The following DIS3L2 variants were observed in gnomAD, a reference collection of about 807,000 sequenced individuals.
DIS3L2 encodes DIS3 like 3'-5' exoribonuclease 2, also known as DIS3-like exonuclease 2.
In DIS3L2, 34 loss-of-function variants were observed where a neutral mutation model predicts 97.5. The observed-to-expected ratio is 0.35, with a 90% CI of 0.27 to 0.46. DIS3L2 has a LOEUF of 0.46. Ranked by LOEUF, DIS3L2 falls within the 20% of genes least tolerant of loss-of-function variation. The pLI, the probability that DIS3L2 is intolerant of heterozygous loss-of-function variation, is 1.00. For synonymous variants in DIS3L2, 435 were observed against 445.2 expected (o/e 0.98, Z 0.29); for missense variants, 1,038 against 1,146.0 (o/e 0.91, Z 1.36).
Position 232,280,416 on chromosome 2 carries a change from G to A in DIS3L2, c.1659+16976G>A, listed in dbSNP as rs1165097210. On this transcript the variant is annotated intron_variant, in intron 13 of 20. Transcript: ENST00000325385. The stretch of plus-strand genomic sequence containing the variant: ...AAAAACCTCCAAACTTTCTAGATAA[G>A]TCCTTCTAACTGTTGCACAAAGTTG... 2.0e-5 allele frequency among the ~76,000 whole-genome samples: 3 copies of A among 152,232 alleles called. No individual in the cohort carries two copies. In the East Asian group the frequency reaches 5.8e-4, roughly 29 times the overall value.
chr2:231,987,317 T>G (rs932634654), intron 1 of DIS3L2, among the ~76,000 whole-genome samples: 2 of 152,264 alleles, frequency 1.3e-5, no homozygotes, highest in Non-Finnish European at 2.9e-5. Flanking sequence ...TCTTTTAACG[T>G]CACTACCATC....
In DIS3L2 at chr2:232,329,910, C is replaced by T. The variant is rs1280799612; in HGVS notation, c.1837C>T (p.Pro613Ser). The part of the protein sequence containing the change: ...EQALLRRHPP[P>S]QTRMLSDLVE... ...GGCCCTGCTGCGCCGGCACCCCCCG[C>T]CCCAAACAAGGATGCTCAGTGACCT... The change falls in exon 15 of 21, where the codon CCC becomes TCC. Residue 613 changes from proline to serine, a missense_variant. Transcript: ENST00000325385. The T allele has an allele frequency of 6.2e-7, 1 of 1,612,918 alleles. No individual in the cohort carries two copies. Among genetic ancestry groups the T allele is most frequent in the Non-Finnish European group, 8.5e-7 (1 of 1,179,822 alleles).
chr2:232,296,335 A>T (rs562004941), intron 13 of DIS3L2, among the ~76,000 whole-genome samples: 6 of 152,366 alleles, frequency 3.9e-5, no homozygotes, highest in Non-Finnish European at 8.8e-5. Context: ...TGCTCAAACT[A>T]CTTAATCTTT....
At chr2:231,990,904 G>A (rs1693565969) in intron 1 of DIS3L2, among the ~76,000 whole-genome samples, 1 of 152,070 alleles carries the variant, frequency 6.6e-6, no homozygotes, top group Non-Finnish European at 1.5e-5. Flanking sequence ...CCGAGTTTTT[G>A]GAGTGCTATA....
At chr2:232,007,771 A>G (rs1212870149) in intron 1 of DIS3L2, among the ~76,000 whole-genome samples, 1 of 152,236 alleles carries the variant, frequency 6.6e-6, no homozygotes, top group African/African-American at 2.4e-5. Context: ...AATATGAACT[A>G]TCTTATCTGT....
chr2:232,188,376 C>T (rs1691506445), intron 9 of DIS3L2, among the ~76,000 whole-genome samples: 1 of 152,112 alleles, frequency 6.6e-6, no homozygotes, highest in Non-Finnish European at 1.5e-5. Context: ...TTTTATGTAA[C>T]TTTTTTCTCA....
intron 1 of DIS3L2, among the ~76,000 whole-genome samples, chr2:231,999,520 C>T (rs956239769): frequency 6.6e-6 from 1 of 152,164 alleles, no homozygotes; most frequent in Non-Finnish European, 1.5e-5. Flanking sequence ...TCTAGCCTTT[C>T]CACTTTTCCA....
intron 11 of DIS3L2, among the ~76,000 whole-genome samples, chr2:232,246,963 C>A (rs2073869877): frequency 6.1e-4 from 2 of 3,290 alleles, no homozygotes; most frequent in Non-Finnish European, 1.0e-3. Flanking sequence ...TCAGTGTTTT[C>A]TTTCTGTTCC....
intron 1 of DIS3L2, among the ~76,000 whole-genome samples, chr2:231,988,727 G>T (rs950865976): frequency 6.6e-6 from 1 of 152,096 alleles, no homozygotes; most frequent in African/African-American, 2.4e-5. Context: ...GTTTGCAGCC[G>T]CAGTCCTGAG....
intron 9 of DIS3L2, among the ~76,000 whole-genome samples, chr2:232,192,654 C>T (rs908968653): frequency 3.3e-5 from 5 of 152,208 alleles, no homozygotes; most frequent in Non-Finnish European, 1.5e-5. Flanking sequence ...CTCTGAGCTC[C>T]CCCAGGGGAC....
At position 232,216,366 on chromosome 2, in the gene DIS3L2, G is replaced by A. The variant is rs16828698; in HGVS notation, c.1204+5961G>A. ...AAATGTGGGCTTTTCTTCTCCAGTC[G>A]CCTTTTTAACTCATCTTTCACTGCC... is the stretch of plus-strand genomic sequence containing the variant. On this transcript the variant is annotated intron_variant, in intron 10 of 20. Coordinates refer to ENST00000325385, the MANE Select transcript of DIS3L2 (RefSeq NM_152383.5). 8.4e-3 allele frequency among the ~76,000 whole-genome samples: 1,276 copies of A among 152,248 alleles called. 14 individuals are homozygous for A. The highest frequency in any genetic ancestry group is 0.029 in the African/African-American group (1,190 of 41,548).
At chr2:232,262,588 C>T (rs1693739539) in intron 12 of DIS3L2, among the ~76,000 whole-genome samples, 1 of 152,196 alleles carries the variant, frequency 6.6e-6, no homozygotes, top group African/African-American at 2.4e-5. Context: ...AGGGATACTG[C>T]TGAACATTTT....
intron 11 of DIS3L2, among the ~76,000 whole-genome samples, chr2:232,241,411 C>A (rs1217579860): frequency 2.6e-5 from 4 of 152,308 alleles, no homozygotes; most frequent in African/African-American, 9.6e-5. Flanking sequence ...GTGACTGATG[C>A]CAGAACTGCA....
At chr2:231,999,651 A>T (rs565274057) in intron 1 of DIS3L2, among the ~76,000 whole-genome samples, 2 of 152,314 alleles carry the variant, frequency 1.3e-5, no homozygotes, top group South Asian at 4.1e-4. Flanking sequence ...ATACTTCTAT[A>T]AAAAACCTAT....
At chr2:231,966,640 C>CTT (rs1692723037) in intron 1 of DIS3L2, among the ~76,000 whole-genome samples, 3 of 70,548 alleles carry the variant, frequency 4.3e-5, no homozygotes, top group East Asian at 3.7e-4. Context: ...AGTTAAAAAA[C>CTT]ATTTTTTTTT....
Position 232,238,551 on chromosome 2 carries a change from T to G in DIS3L2, c.1223T>G (p.Val408Gly). The change falls in exon 11 of 21, where the codon GTT becomes GGT. Residue 408 changes from valine (V) to glycine (G), a missense_variant. Val to Gly is a moderately radical substitution (Grantham distance 109, BLOSUM62 -3). Around this residue, in one of 3 missense-constraint regions of DIS3L2, gnomAD observed 813 missense variants for 880.1 expected, o/e 0.92. Transcript: ENST00000325385. The part of the protein sequence containing the change: ...PLADGNFKVG[V>G]HIADVSYFVP... The stretch of plus-strand genomic sequence containing the variant: ...TTTACAGGCAACTTCAAAGTGGGAG[T>G]TCACATTGCTGACGTGAGTTACTTT... The G allele has an allele frequency of 6.2e-7, 1 of 1,614,038 alleles. No individual in the cohort carries two copies. Among genetic ancestry groups the G allele is most frequent in the Non-Finnish European group, 8.5e-7 (1 of 1,179,964 alleles).
At chr2:232,317,144 T>C (rs1356394828) in intron 14 of DIS3L2, among the ~76,000 whole-genome samples, 3 of 151,958 alleles carry the variant, frequency 2.0e-5, no homozygotes, top group Non-Finnish European at 4.4e-5. Flanking sequence ...GTGGGTAGAG[T>C]GTGGAGAATG....
intron 6 of DIS3L2, among the ~76,000 whole-genome samples, chr2:232,105,810 A>T (rs538708795): frequency 1.3e-5 from 2 of 152,280 alleles, no homozygotes; most frequent in East Asian, 3.9e-4. Flanking sequence ...GTCAGTCGCT[A>T]TGTGTGCCTG....
intron 9 of DIS3L2, among the ~76,000 whole-genome samples, chr2:232,203,053 C>T (rs1691940341): frequency 6.6e-6 from 1 of 152,200 alleles, no homozygotes; most frequent in African/African-American, 2.4e-5. Flanking sequence ...GAACACATCC[C>T]TGTGGGTGAA....
Sources: allele counts gnomAD v4.1 joint callset (sites outside exome capture counted in the v4.1 genomes callset), GRCh38; gene constraint gnomAD v4.1.1; regional missense constraint gnomAD v4.1.1; transcripts MANE v1.5; gene names NCBI Gene and HGNC (gene_info 2026-07-23, HGNC 2026-07-21).